The following ZNF699 variants were observed in gnomAD, a reference collection of about 807,000 sequenced individuals.
The protein encoded by ZNF699 is hangover homolog.
A neutral mutation model predicts 22.5 loss-of-function variants in ZNF699; 18 were observed. The ratio of observed to expected loss-of-function variants is 0.80; its 90% CI spans 0.55 to 1.19. The LOEUF is 1.19. ZNF699 is among the 50% of genes most tolerant of loss of function. The pLI is 0.00. For missense variants in ZNF699, 670 were observed against 763.4 expected, an observed-to-expected ratio of 0.88 and a Z score of 1.44; for synonymous variants, 241 against 262.3, an observed-to-expected ratio of 0.92 and a Z score of 0.78.
At chr19:9,301,589 C>T (rs1448588868) in intron 3 of ZNF699, among the ~76,000 whole-genome samples, 1 of 152,222 alleles carries the variant, frequency 6.6e-6, no homozygotes, top group Non-Finnish European at 1.5e-5. Flanking sequence ...CCCCAAATCA[C>T]TCAACTGAAG....
At position 9,309,334 on chromosome 19, in the gene ZNF699, G is replaced by A. The variant is rs2066338954; in HGVS notation, c.-6+16C>T. 1 of 152,218 alleles carries A rather than the reference G, an allele frequency of 6.6e-6. No individual in the cohort carries two copies. The highest frequency in any genetic ancestry group is 1.5e-5 in the Non-Finnish European group (1 of 68,186). 9.4% of individuals were successfully genotyped at this position (152,218 alleles called of 1,614,324 possible). ...AGGAGGGGACCGAGCCGAGGCAAAT[G>A]TCACCCCGTGCTCACCCGACACGCC... On this transcript the variant is annotated intron_variant, in intron 1 of 5. Coordinates refer to ENST00000591998, the MANE Select transcript of ZNF699 (RefSeq NM_198535.3).
Position 9,296,932 on chromosome 19 carries a change from T to C in ZNF699, c.472A>G (p.Asn158Asp). ...TCATAGATGTTCTCTACCATATGATTTCTTTTAAAAATAAAAGACACATTA... is the reference window on the plus strand; with the variant it reads ...TCATAGATGTTCTCTACCATATGATCTCTTTTAAAAATAAAAGACACATTA... ...QNKSHERHLR[N>D]HMVENIYECY... The change falls in exon 6 of 6, where the codon AAT becomes GAT. Residue 158 changes from asparagine (N) to aspartate (D), a missense_variant and splice_region_variant. Physicochemically the swap from Asn to Asp is conservative, Grantham distance 23. Transcript: ENST00000591998. 1 of 1,574,094 alleles carries C rather than the reference T, an allele frequency of 6.4e-7. No homozygotes were observed. The highest frequency in any genetic ancestry group is 8.6e-7 in the Non-Finnish European group (1 of 1,158,260).
intron 2 of ZNF699, among the ~76,000 whole-genome samples, chr19:9,304,566 A>G (rs2066319899): frequency 6.6e-6 from 1 of 152,244 alleles, no homozygotes; most frequent in Non-Finnish European, 1.5e-5. Flanking sequence ...GGAACACAAT[A>G]AAATGTGTTT....
chr19:9,301,980 G>A (rs112259976), intron 3 of ZNF699, among the ~76,000 whole-genome samples: 7 of 150,348 alleles, frequency 4.7e-5, no homozygotes, highest in African/African-American at 1.5e-4. Context: ...TTGGCTCACC[G>A]TAACCTCCAC....
In ZNF699 at chr19:9,295,738, C is replaced by A; in HGVS notation, c.1666G>T (p.Glu556Ter). The A allele has an allele frequency of 6.2e-7, 1 of 1,613,982 alleles. No individual in the cohort carries two copies. The change falls in exon 6 of 6, where the codon GAA becomes TAA. Residue 556 changes from glutamate (E) to a stop codon, truncating the protein, a stop_gained. Coordinates refer to ENST00000591998, the MANE Select transcript of ZNF699 (RefSeq NM_198535.3). LOFTEE classifies it low-confidence loss of function (END_TRUNC). Reference sequence around the variant, plus strand: ...CATTCCTTACATTCATAGGGTTTTTCCCCAGTGTGCGTTCTCATGTGGATC... The same window carrying A: ...CATTCCTTACATTCATAGGGTTTTTACCCAGTGTGCGTTCTCATGTGGATC... The part of the protein sequence containing the change: ...LRIHMRTHTG[E>*]KPYECKECGK...
chr19:9,308,465 A>G (rs1421116113), intron 1 of ZNF699, among the ~76,000 whole-genome samples: 1 of 152,176 alleles, frequency 6.6e-6, no homozygotes, highest in Non-Finnish European at 1.5e-5. Context: ...AGTGATCTAA[A>G]ACCTGATTAC....
chr19:9,303,819 T>C (rs199630588), intron 2 of ZNF699, among the ~76,000 whole-genome samples: 3,772 of 151,238 alleles, frequency 0.025, 107 homozygotes, highest in African/African-American at 0.076. Context: ...CCAAATTGTT[T>C]TCTTTTTTTT....
rs1292971361 is a variant in ZNF699, at chr19:9,294,278, T to C, written c.*1197A>G. The C allele has an allele frequency of 1.3e-5, 2 of 152,314 alleles. No homozygotes were observed. Among genetic ancestry groups the C allele is most frequent in the Non-Finnish European group, 2.9e-5 (2 of 68,138 alleles). The allele number at this position is 152,314 out of a possible 1,614,324, so 9.4% of individuals were successfully genotyped here. On this transcript the variant is annotated 3_prime_UTR_variant, in exon 6 of 6. Transcript: ENST00000591998. ...TAATGTTTGGTTTTTTATTTCGTTT[T>C]GTTTTGTTTTTGAGAAAGGGTCTCA...
intron 3 of ZNF699, among the ~76,000 whole-genome samples, chr19:9,299,967 C>T (rs1487090331): frequency 6.6e-6 from 1 of 151,952 alleles, no homozygotes; most frequent in Non-Finnish European, 1.5e-5. Context: ...TGCTCAACAT[C>T]ATAAGTCATC....
Position 9,302,423 on chromosome 19 carries a change from A to G in ZNF699, c.130T>C (p.Tyr44His). 6.2e-7 allele frequency: 1 copy of G among 1,614,042 alleles called. No homozygotes were observed. The highest frequency in any genetic ancestry group is 8.5e-7 in the Non-Finnish European group (1 of 1,179,940). The change falls in exon 3 of 6, where the codon TAC (tyrosine) becomes CAC (histidine). Residue 44 changes from tyrosine (Y) to histidine (H), a missense_variant. Tyr to His is a moderately conservative substitution (Grantham distance 83). Transcript: ENST00000591998. ...ALLDLAQRNL[Y>H]RDVMLENFQN... ...AAGTTTTCCAGCATCACATCTCTGT[A>G]GAGGTTTCTCTGAGCAAGATCCAGC...
chr19:9,309,136 CTTTTT>C (rs61471638), intron 1 of ZNF699, among the ~76,000 whole-genome samples: 18 of 104,840 alleles, frequency 1.7e-4, no homozygotes, highest in Non-Finnish European at 3.1e-4. Context: ...TTTTATTTTA[CTTTTT>C]TTTTTTTTTT....
intron 1 of ZNF699, among the ~76,000 whole-genome samples, chr19:9,307,862 G>C (rs2066333033): frequency 6.6e-6 from 1 of 150,866 alleles, no homozygotes; most frequent in South Asian, 2.1e-4. Flanking sequence ...GCAGAGAATT[G>C]TTTGAACCCA....
In ZNF699 at chr19:9,291,427, A is replaced by G. The variant is rs2066265218; in HGVS notation, c.*4048T>C. On this transcript the variant is annotated 3_prime_UTR_variant, in exon 6 of 6. Transcript: ENST00000591998. ...GCAACATAAATTAAGATAGTATGGT[A>G]TTGATGCAAGAAAAGACAAATGAAC... 1 of 152,236 alleles carries G rather than the reference A, an allele frequency of 6.6e-6. No individual in the cohort carries two copies. Among genetic ancestry groups the G allele is most frequent in the African/African-American group, 2.4e-5 (1 of 41,460 alleles). 9.4% of individuals were successfully genotyped at this position (152,236 alleles called of 1,614,324 possible).
chr19:9,303,371 CTTGAGT>C (rs1163600793), intron 2 of ZNF699, among the ~76,000 whole-genome samples: 1 of 152,210 alleles, frequency 6.6e-6, no homozygotes, highest in Non-Finnish European at 1.5e-5. Flanking sequence ...CTACCCTCTC[CTTGAGT>C]TTGATTAATT....
chr19:9,305,977 C>T (rs1456114795), intron 1 of ZNF699, among the ~76,000 whole-genome samples: 1 of 148,806 alleles, frequency 6.7e-6, no homozygotes, highest in African/African-American at 2.5e-5. Flanking sequence ...GCTGGGATTA[C>T]AGGCGTGAGC....
chr19:9,297,772 C>T lies in ZNF699; in HGVS notation c.286+108G>A. On this transcript the variant is annotated intron_variant, in intron 4 of 5. Transcript: ENST00000591998. This position sits in a 1 kb window ranked among gnomAD's most constrained non-coding sequence, Gnocchi z 4.3. ...TAAAAAGTCAAAATAGTCATCTGAG[C>T]TATCTGTGGAAGATGAGCTTCCTCA... 1 of 805,168 alleles carries T rather than the reference C, an allele frequency of 1.2e-6. No individual in the cohort carries two copies. Among genetic ancestry groups the T allele is most frequent in the South Asian group, 1.6e-5 (1 of 61,544 alleles). The allele number at this position is 805,168 out of a possible 1,614,324, so 49.9% of individuals were successfully genotyped here.
In ZNF699 at chr19:9,305,081, A is replaced by AT. The variant is rs1435542098; in HGVS notation, c.38dup (p.Asn13LysfsTer2). The AT allele has an allele frequency of 1.2e-6, 2 of 1,613,060 alleles. No individual in the cohort carries two copies. The highest frequency in any genetic ancestry group is 8.5e-7 in the Non-Finnish European group (1 of 1,179,326). Reference sequence around the variant, plus strand: ...ATCACCTTTTACTTACCTGTATTCTATTTTTCTGTAACTCAGCAGTTTTTC... The same window carrying AT: ...ATCACCTTTTACTTACCTGTATTCTATTTTTTCTGTAACTCAGCAGTTTTTC... On this transcript the variant is annotated frameshift_variant, in exon 2 of 6. Transcript: ENST00000591998. LOFTEE classifies it high-confidence loss of function.
In ZNF699 at chr19:9,297,988, A is replaced by G. The variant is rs762294176; in HGVS notation, c.178T>C (p.Tyr60His). The G allele has an allele frequency of 6.3e-7, 1 of 1,598,116 alleles. No individual in the cohort carries two copies. The highest frequency in any genetic ancestry group is 1.1e-5 in the South Asian group (1 of 90,372). The change falls in exon 4 of 6, where the codon TAT (tyrosine) becomes CAT (histidine). Residue 60 changes from tyrosine to histidine, a missense_variant and splice_region_variant. Tyr to His is a moderately conservative substitution (Grantham distance 83). Coordinates refer to ENST00000591998, the MANE Select transcript of ZNF699 (RefSeq NM_198535.3). The surrounding 1 kb of genome is among the most constrained non-coding windows in gnomAD (Gnocchi z 4.3). The part of the protein sequence containing the change: ...ENFQNLASLG[Y>H]PLHTPHLISQ... ...ATCAGATGGGGTGTGTGTAGCGGAT[A>G]CCCTGCACAAGCAGAAAGGCATATC...
At position 9,296,427 on chromosome 19, in the gene ZNF699, T is replaced by G. The variant is rs771072498; in HGVS notation, c.977A>C (p.Lys326Thr). 4 of 1,610,370 alleles carry G rather than the reference T, an allele frequency of 2.5e-6. 1 individual carries two copies. In the South Asian group the frequency reaches 4.4e-5, roughly 18 times the overall value. The change falls in exon 6 of 6, where the codon AAA (lysine) becomes ACA (threonine). Residue 326 changes from lysine (K) to threonine (T), a missense_variant. By Grantham distance (78) the Lys-to-Thr change is moderately conservative. Transcript: ENST00000591998. ...TGGCTTATCTCCACTGTGAATTCTT[T>G]TGTGTTTGGAGAGTGAGGAGGAACA... ...FSCSSSLSKH[K>T]RIHSGDKPYE...
Sources: allele counts gnomAD v4.1 joint callset (sites outside exome capture counted in the v4.1 genomes callset), GRCh38; gene constraint gnomAD v4.1.1; non-coding constraint Gnocchi (gnomAD v3.1); transcripts MANE v1.5; gene names NCBI Gene and HGNC (gene_info 2026-07-23, HGNC 2026-07-21).